MGST1: variants seen among roughly 807,000 people sequenced by gnomAD.
MGST1 encodes the protein microsomal glutathione S-transferase 1.
In MGST1, 5 loss-of-function variants were observed where a neutral mutation model predicts 8.9. The observed-to-expected ratio is 0.56, with a 90% confidence interval of 0.29 to 1.19. The LOEUF (loss-of-function observed/expected upper bound fraction) is 1.19, where lower values mean the gene tolerates loss of function less well. Ranked by LOEUF, MGST1 falls within the 50% of genes most tolerant of loss-of-function variation. The pLI is 0.08. For synonymous variants in MGST1, 54 were observed against 67.8 expected (o/e 0.80, Z 1.00); for missense variants, 182 against 187.4 (o/e 0.97, Z 0.17).
At chr12:16,554,052 C>T (rs1342360084) in intron 4 of MGST1, among the ~76,000 whole-genome samples, 1 of 151,980 alleles carries the variant, frequency 6.6e-6, no homozygotes, top group Admixed American at 6.5e-5. Context: ...TAAGAAGATG[C>T]CCAATTAGAT....
At chr12:16,427,189 C>G (rs75804134) in intron 1 of MGST1, among the ~76,000 whole-genome samples, 1,628 of 152,030 alleles carry the variant, frequency 0.011, 18 homozygotes, top group Non-Finnish European at 0.015. Flanking sequence ...TTTAAGAAGA[C>G]TAACATATTT....
At chr12:16,441,837 A>C (rs994757492), downstream of MGST1, among the ~76,000 whole-genome samples, 1 of 151,848 alleles carries the variant, frequency 6.6e-6, no homozygotes, top group Non-Finnish European at 1.5e-5. Flanking sequence ...ATAAATTTTC[A>C]AGTGCTTTGG....
rs726206 is a variant in MGST1 at position 16,497,734 on chromosome 12, G to A, written n.483-91794G>A. 0.44 allele frequency among the ~76,000 whole-genome samples: 66,969 copies of A among 151,864 alleles called. 16,819 individuals carry two copies. The highest frequency in any genetic ancestry group is 0.58 in the Non-Finnish European group (39,150 of 67,914). On this transcript the variant is annotated intron_variant and non_coding_transcript_variant, in intron 4 of 4. Coordinates refer to the MGST1 transcript ENST00000538857. This position sits in a 1 kb window ranked among gnomAD's most constrained non-coding sequence, Gnocchi z 4.4. ...CATTTTTCACCTGTTAATCGTTCTGGTTGTAGCCATTTTTACTGTAATTTA... is the reference window on the plus strand; with the variant it reads ...CATTTTTCACCTGTTAATCGTTCTGATTGTAGCCATTTTTACTGTAATTTA...
chr12:16,413,954 C>A lies in MGST1; in HGVS notation n.779-23434C>A, dbSNP rs990520555. ...ACATAATATTAAGGCTTACTTTCTGCAAAATTTAGAAAATTCAGAATAAAT... is the reference window on the plus strand; with the variant it reads ...ACATAATATTAAGGCTTACTTTCTGAAAAATTTAGAAAATTCAGAATAAAT... On this transcript the variant is annotated intron_variant and non_coding_transcript_variant, in intron 1 of 1. Transcript: ENST00000359720. This position sits in a 1 kb window ranked among gnomAD's most constrained non-coding sequence, Gnocchi z 4.0. Among the ~76,000 whole-genome samples the A allele has an allele frequency of 2.6e-5, 4 of 151,660 alleles. No individual in the cohort carries two copies. The highest frequency in any genetic ancestry group is 9.7e-5 in the African/African-American group (4 of 41,302).
chr12:16,573,827 T>C (rs1365036406), intron 4 of MGST1: 1 of 152,004 alleles, frequency 6.6e-6, no homozygotes, highest in Admixed American at 6.6e-5. Context: ...ACGTTAAGTG[T>C]CGAAATCAAG....
At chr12:16,545,294 A>C (rs1941816431) in intron 4 of MGST1, among the ~76,000 whole-genome samples, 1 of 152,092 alleles carries the variant, frequency 6.6e-6, no homozygotes, top group African/African-American at 2.4e-5. Context: ...TGTTTAATAA[A>C]TTGGGCATTA....
rs956234308 is a variant in MGST1, at chr12:16,401,598, A to G, written n.778+17994A>G. On this transcript the variant is annotated intron_variant and non_coding_transcript_variant, in intron 1 of 1. Coordinates refer to the MGST1 transcript ENST00000359720. This position sits in a 1 kb window ranked among gnomAD's most constrained non-coding sequence, Gnocchi z 4.3. ...GCAATAAGACTCGAAGCGAATACCC[A>G]TGGCACAAGTGATAGCCCCAAAATA... 11 of 1,467,558 alleles carry G rather than the reference A, an allele frequency of 7.5e-6. No individual in the cohort carries two copies. The highest frequency in any genetic ancestry group is 2.3e-5 in the East Asian group (1 of 44,190). The allele number at this position is 1,467,558 out of a possible 1,614,324, so 90.9% of individuals were successfully genotyped here.
At chr12:16,532,215 T>C (rs534554725) in intron 4 of MGST1, among the ~76,000 whole-genome samples, 58 of 152,248 alleles carry the variant, frequency 3.8e-4, no homozygotes, top group Admixed American at 2.2e-3. Context: ...TCAAGAAGCC[T>C]CTTGCGGGGG....
At chr12:16,351,714 G>T (rs1939474106) in intron 1 of MGST1, among the ~76,000 whole-genome samples, 1 of 152,112 alleles carries the variant, frequency 6.6e-6, no homozygotes, top group Non-Finnish European at 1.5e-5. Flanking sequence ...GGAGGCTGAG[G>T]CAGGAGAATG....
Position 16,560,341 on chromosome 12 carries a change from T to C in MGST1, n.483-29187T>C. 1 of 1,479,538 alleles carries C rather than the reference T, an allele frequency of 6.8e-7. No individual in the cohort carries two copies. Among genetic ancestry groups the C allele is most frequent in the Non-Finnish European group, 9.2e-7 (1 of 1,090,548 alleles). The allele number at this position is 1,479,538 out of a possible 1,614,324, so 91.7% of individuals were successfully genotyped here. ...TTGCTTTAAATGTATGAATATAATTTCCACCTATTAAATAAATAGCCAGCA... is the reference window on the plus strand; with the variant it reads ...TTGCTTTAAATGTATGAATATAATTCCCACCTATTAAATAAATAGCCAGCA... On this transcript the variant is annotated intron_variant and non_coding_transcript_variant, in intron 4 of 4. Transcript: ENST00000538857. This position sits in a 1 kb window ranked among gnomAD's most constrained non-coding sequence, Gnocchi z 5.0.
At chr12:16,449,339 C>T (rs1941110385) in intron 4 of MGST1, among the ~76,000 whole-genome samples, 1 of 151,806 alleles carries the variant, frequency 6.6e-6, no homozygotes, top group South Asian at 2.1e-4. Flanking sequence ...CGAGTAAACC[C>T]ACTCATCACC....
At position 16,354,314 on chromosome 12, in the gene MGST1, C is replaced by A; in HGVS notation, c.62C>A (p.Thr21Lys). 4.4e-6 allele frequency: 7 copies of A among 1,606,622 alleles called. No individual in the cohort carries two copies. Among genetic ancestry groups the A allele is most frequent in the Non-Finnish European group, 5.9e-6 (7 of 1,177,282 alleles). ...TTCATGGCTTTTGCATCCTATGCAA[C>A]AATTATTCTTTCAAAAATGATGCTT... ...EVFMAFASYATIILSKMMLMS... is the reference protein window; with the variant it reads ...EVFMAFASYAKIILSKMMLMS... The change falls in exon 2 of 4, where the codon ACA becomes AAA. Residue 21 changes from threonine to lysine, a missense_variant. Coordinates refer to ENST00000396210, the MANE Select transcript of MGST1 (RefSeq NM_020300.5).
intron 4 of MGST1, among the ~76,000 whole-genome samples, chr12:16,467,156 A>G (rs1180596624): frequency 1.3e-5 from 2 of 152,254 alleles, no homozygotes; most frequent in Non-Finnish European, 2.9e-5. Context: ...TAGAAGGTCA[A>G]TGTAATACCA....
rs1275893133 is a variant in MGST1, at chr12:16,401,722, C to T, written n.778+18118C>T. ...CACATTTCCACAGTAGAAGGGTCTG[C>T]CCCAGCAAGGTATTTTTTCTCTTCA... On this transcript the variant is annotated intron_variant and non_coding_transcript_variant, in intron 1 of 1. Transcript: ENST00000359720. The surrounding 1 kb of genome is among the most constrained non-coding windows in gnomAD (Gnocchi z 4.3). The T allele has an allele frequency of 5.6e-6, 9 of 1,601,212 alleles. No homozygotes were observed. The highest frequency in any genetic ancestry group is 7.7e-6 in the Non-Finnish European group (9 of 1,168,414).
downstream of MGST1, chr12:16,364,462 T>C (rs753578869): frequency 2.8e-5 from 26 of 926,744 alleles, no homozygotes; most frequent in Non-Finnish European, 3.4e-5. The surrounding 1 kb of genome is among the most constrained non-coding windows in gnomAD (Gnocchi z 5.7). Context: ...GTTTCAAACC[T>C]AGGGTAAAGT....
chr12:16,498,817 A>T (rs138613542), intron 4 of MGST1, among the ~76,000 whole-genome samples: 24 of 152,288 alleles, frequency 1.6e-4, no homozygotes, highest in Middle Eastern at 3.4e-3. Context: ...AATCTCTAAA[A>T]ACTGCCCATC....
intron 4 of MGST1, among the ~76,000 whole-genome samples, chr12:16,504,368 C>A (rs1164422708): frequency 6.6e-6 from 1 of 152,194 alleles, no homozygotes; most frequent in East Asian, 1.9e-4. Context: ...TTACCACTTT[C>A]TCCCACGCCT....
At chr12:16,427,602 G>A (rs1027989400) in intron 1 of MGST1, among the ~76,000 whole-genome samples, 2 of 152,062 alleles carry the variant, frequency 1.3e-5, no homozygotes, top group East Asian at 1.9e-4. Context: ...GGATGGTCTC[G>A]AACTTCTGGC....
intron 4 of MGST1, among the ~76,000 whole-genome samples, chr12:16,536,389 C>T (rs1024728119): frequency 6.6e-6 from 1 of 152,062 alleles, no homozygotes; most frequent in African/African-American, 2.4e-5. Context: ...TTCTATCTAA[C>T]TGTAGCCCCA....
Sources: allele counts gnomAD v4.1 joint callset (sites outside exome capture counted in the v4.1 genomes callset), GRCh38; gene constraint gnomAD v4.1.1; non-coding constraint Gnocchi (gnomAD v3.1); transcripts MANE v1.5; gene names NCBI Gene and HGNC (gene_info 2026-07-23, HGNC 2026-07-21).